USP47: variants seen among roughly 807,000 people sequenced by gnomAD.
USP47 encodes the protein ubiquitin specific peptidase 47, also known as ubiquitin carboxyl-terminal hydrolase 47.
Under a neutral mutation model 165.1 loss-of-function variants are expected in USP47, and 35 were observed. That is an observed-to-expected ratio of 0.21 (90% CI 0.16 to 0.28). The LOEUF is 0.28. USP47 is among the 10% of genes least tolerant of loss of function. The probability of loss-of-function intolerance (pLI) is 1.00; values close to 1 mark genes in which losing one functional copy is unlikely to be tolerated. For missense variants in USP47, 1,277 were observed against 1,607.4 expected, an observed-to-expected ratio of 0.79 and a Z score of 3.52; for synonymous variants, 531 against 544.5, an observed-to-expected ratio of 0.98 and a Z score of 0.35.
chr11:11,912,610 A>G (rs1411458654), intron 8 of USP47, among the ~76,000 whole-genome samples: 1 of 152,036 alleles, frequency 6.6e-6, no homozygotes, highest in African/African-American at 2.4e-5. Context: ...TTCGAAGAAC[A>G]GTGAACACCA....
intron 1 of USP47, among the ~76,000 whole-genome samples, chr11:11,848,251 A>G (rs182767570): frequency 6.6e-6 from 1 of 152,362 alleles, no homozygotes; most frequent in East Asian, 1.9e-4. Context: ...TTTGAACATG[A>G]TACAGTGTGC....
chr11:11,847,830 T>G (rs1337859030), intron 1 of USP47, among the ~76,000 whole-genome samples: 3 of 152,358 alleles, frequency 2.0e-5, no homozygotes, highest in African/African-American at 7.2e-5. Context: ...TTTACCTGTT[T>G]TAAAGTTTAT....
intron 8 of USP47, among the ~76,000 whole-genome samples, chr11:11,918,030 G>T (rs779432082): frequency 2.0e-5 from 3 of 152,126 alleles, no homozygotes; most frequent in Non-Finnish European, 4.4e-5. Context: ...TATTAGCCGC[G>T]AGAGTAAAAA....
intron 14 of USP47, 138 bp downstream of exon 14, chr11:11,930,889 C>A: frequency 3.2e-6 from 2 of 631,800 alleles, no homozygotes; most frequent in Non-Finnish European, 5.2e-6. Flanking sequence ...TTTACAAAGA[C>A]TGTTACAAAA....
At chr11:11,874,010 T>A (rs1850235297) in intron 1 of USP47, among the ~76,000 whole-genome samples, 1 of 152,172 alleles carries the variant, frequency 6.6e-6, no homozygotes, top group African/African-American at 2.4e-5. Flanking sequence ...AAAAGTCACC[T>A]TAAATGAATT....
chr11:11,940,732 A>G (rs957799948), intron 19 of USP47, among the ~76,000 whole-genome samples, 184 bp downstream of exon 19: 1 of 151,784 alleles, frequency 6.6e-6, no homozygotes, highest in African/African-American at 2.4e-5. Flanking sequence ...CTGTCCTGTG[A>G]ATCAGTCCTA....
At chr11:11,877,266 CT>C (rs1366818933) in intron 1 of USP47, among the ~76,000 whole-genome samples, 1 of 152,006 alleles carries the variant, frequency 6.6e-6, no homozygotes, top group East Asian at 1.9e-4. Context: ...AGAAATTTTA[CT>C]TTAGTGTGAT....
intron 5 of USP47, among the ~76,000 whole-genome samples, chr11:11,902,053 CT>C (rs1248180506): frequency 6.6e-6 from 1 of 151,600 alleles, no homozygotes; most frequent in Admixed American, 6.6e-5. Context: ...CATAGTCAAT[CT>C]TTTTTGTCTA....
intron 1 of USP47, among the ~76,000 whole-genome samples, chr11:11,860,021 G>A (rs561892521): frequency 1.8e-4 from 27 of 151,204 alleles, no homozygotes; most frequent in African/African-American, 6.3e-4. Context: ...GAAGAATTGC[G>A]TGAACCCGGG....
chr11:11,938,485 A>G, intron 18 of USP47, 113 bp downstream of exon 18: 1 of 753,208 alleles, frequency 1.3e-6, no homozygotes, highest in Non-Finnish European at 2.1e-6. Context: ...GCTAATTAAT[A>G]TTTGTAGTTA....
intron 1 of USP47, among the ~76,000 whole-genome samples, chr11:11,858,368 T>A (rs1849183023): frequency 6.6e-6 from 1 of 152,192 alleles, no homozygotes; most frequent in Admixed American, 6.5e-5. Flanking sequence ...GACTTTTTGT[T>A]TTTTAAATCA....
chr11:11,888,661 C>G (rs917487474), intron 3 of USP47, among the ~76,000 whole-genome samples: 1 of 152,066 alleles, frequency 6.6e-6, no homozygotes, highest in Non-Finnish European at 1.5e-5. Context: ...GAAACTATTC[C>G]AAAAAATTGA....
At chr11:11,929,595 C>G in intron 12 of USP47, 30 bp downstream of exon 12, 1 of 1,605,414 alleles carries the variant, frequency 6.2e-7, no homozygotes, top group Non-Finnish European at 8.5e-7. Flanking sequence ...GATTATTACT[C>G]TGAAAGGTGG....
chr11:11,930,218 A>G, intron 13 of USP47, 98 bp downstream of exon 13: 1 of 1,140,810 alleles, frequency 8.8e-7, no homozygotes, highest in Non-Finnish European at 1.3e-6. Context: ...GGATTGAGGA[A>G]CTACAACCCA....
chr11:11,938,931 A>C (rs1213324553), intron 18 of USP47, among the ~76,000 whole-genome samples: 2 of 151,930 alleles, frequency 1.3e-5, no homozygotes, highest in Non-Finnish European at 2.9e-5. Flanking sequence ...TGCACCGATG[A>C]CCTGAGCCAG....
At position 11,960,460 on chromosome 11, in the gene USP47, C is replaced by A. The variant is rs994859405; in HGVS notation, c.*4285C>A. ...CAGCCTCCTGCTGGCAGACACTTCT[C>A]TGCAGTGAATACCACTATCCCATGC... On this transcript the variant is annotated 3_prime_UTR_variant, in exon 28 of 28. Transcript: ENST00000527733. 1.3e-5 allele frequency among the ~76,000 whole-genome samples: 2 copies of A among 152,210 alleles called. No individual in the cohort carries two copies. The highest frequency in any genetic ancestry group is 4.8e-5 in the African/African-American group (2 of 41,448).
At chr11:11,930,655 C>T (rs758709260) in intron 13 of USP47, 41 bp from the exon 14 acceptor site, 2 of 1,418,958 alleles carry the variant, frequency 1.4e-6, no homozygotes, top group African/African-American at 1.4e-5. Context: ...TCTTTTTAAT[C>T]TACTTTTTGT....
intron 2 of USP47, among the ~76,000 whole-genome samples, chr11:11,881,189 T>C (rs368615135): frequency 1.3e-5 from 2 of 152,134 alleles, no homozygotes; most frequent in East Asian, 1.9e-4. Context: ...TTCTTGCTTG[T>C]TGTGGAAAAA....
chr11:11,880,432 G>T (rs1308169282), intron 2 of USP47, 52 bp downstream of exon 2: 3 of 1,217,450 alleles, frequency 2.5e-6, no homozygotes, highest in Non-Finnish European at 2.1e-6. Context: ...CATTGTTGTT[G>T]TTGTTACTGA....
Sources: gnomAD v4.1 joint callset for allele counts (sites outside exome capture counted in the v4.1 genomes callset) on GRCh38, gnomAD v4.1.1 for gene constraint, MANE v1.5 for transcripts, NCBI Gene and HGNC (gene_info 2026-07-23, HGNC 2026-07-21) for gene names.